MAX: variants seen among roughly 807,000 people sequenced by gnomAD.
MAX encodes the protein protein max.
Under a neutral mutation model 22.3 loss-of-function variants are expected in MAX, and 3 were observed. The ratio of observed to expected loss-of-function variants is 0.13; its 90% confidence interval spans 0.06 to 0.35. MAX has a LOEUF of 0.35. Ranked by LOEUF, MAX falls within the 10% of genes least tolerant of loss-of-function variation. MAX has a pLI of 1.00. For synonymous variants in MAX, 72 were observed against 77.7 expected (o/e 0.93, Z 0.39); for missense variants, 119 against 209.4 (o/e 0.57, Z 2.66).
Position 65,060,870 on chromosome 14 carries a change from CAAAAAA to C in MAX, c.171+32832_171+32837del, listed in dbSNP as rs58241887. Among the ~76,000 whole-genome samples, 100 of 79,584 alleles carry C rather than the reference CAAAAAA, an allele frequency of 1.3e-3. No individual in the cohort carries two copies. In the East Asian group the frequency reaches 0.015, roughly 12 times the overall value. 52.2% of individuals were successfully genotyped at this position (79,584 alleles called of 152,430 possible). On this transcript the variant is annotated intron_variant, in intron 3 of 3. Transcript: ENST00000341653. ...CCTGGGCAACAGAGCAAGACTCTCTCAAAAAAAAAAAAAAAAAAAAAAAAACAGTTT... is the reference window on the plus strand; with the variant it reads ...CCTGGGCAACAGAGCAAGACTCTCTCAAAAAAAAAAAAAAAAAAACAGTTT...
rs149157658 is a variant in MAX at position 65,006,223 on chromosome 14, G to A, written c.233C>T (p.Thr78Ile). Reference sequence around the variant, plus strand: ...TTCTGATTAGCCATGGCAGAAAACAGTTGGAAAAGGCAAGTGTTCATAAGG... The same window carrying A: ...TTCTGATTAGCCATGGCAGAAAACAATTGGAAAAGGCAAGTGTTCATAAGG... Residue 78 changes from threonine (T) to isoleucine (I), a missense_variant, in exon 4 of 4, where the codon ACT becomes ATT. By Grantham distance (89) the Thr-to-Ile change is moderately conservative. Transcript: ENST00000341653. 1.7e-5 allele frequency: 28 copies of A among 1,608,450 alleles called. No homozygotes were observed. In the African/African-American group the frequency reaches 3.3e-4, roughly 19 times the overall value.
rs544453134 is a variant in MAX, at chr14:65,086,661, T to A, written c.171+7047A>T. 7.9e-5 allele frequency among the ~76,000 whole-genome samples: 12 copies of A among 152,324 alleles called. No homozygotes were observed. In the East Asian group the frequency reaches 1.9e-3, roughly 24 times the overall value. ...AGCAGCAAAGCATTCAAGAGGTGAC[T>A]TGGGTGCTGTAAAAGGCATTCAGTT... On this transcript the variant is annotated intron_variant, in intron 3 of 4. Transcript: ENST00000358664.
At chr14:65,010,230 T>C (rs954272737) in intron 3 of MAX, among the ~76,000 whole-genome samples, 1 of 152,172 alleles carries the variant, frequency 6.6e-6, no homozygotes, top group African/African-American at 2.4e-5. Context: ...CTCTCCTGTT[T>C]CTCTCCTTCA....
intron 3 of MAX, chr14:65,089,917 C>G (rs2063454243): frequency 6.6e-6 from 1 of 151,230 alleles, no homozygotes; most frequent in Non-Finnish European, 1.5e-5. Flanking sequence ...ACTCCACATA[C>G]AGTTGAGAAA....
At chr14:65,053,815 C>T (rs1009666454) in intron 3 of MAX, among the ~76,000 whole-genome samples, 2 of 152,164 alleles carry the variant, frequency 1.3e-5, no homozygotes, top group African/African-American at 4.8e-5. Flanking sequence ...TTGTTACCCA[C>T]CCTCTGTCTT....
At chr14:65,041,031 A>G (rs1160961546) in intron 3 of MAX, 1 of 1,497,704 alleles carries the variant, frequency 6.7e-7, no homozygotes, top group African/African-American at 1.4e-5. Context: ...TAAGAGAGTT[A>G]GCTCTGTTCC....
intron 3 of MAX, chr14:65,015,763 T>G: frequency 6.3e-7 from 1 of 1,590,668 alleles, no homozygotes. Flanking sequence ...AAATTGTATT[T>G]TGAGTTTGGG....
rs1157935028 is a variant in MAX, at chr14:65,078,533, G to GTT, written c.172-499_172-498dup. Among the ~76,000 whole-genome samples, 3 of 136,192 alleles carry GTT rather than the reference G, an allele frequency of 2.2e-5. No homozygotes were observed. Among genetic ancestry groups the GTT allele is most frequent in the Non-Finnish European group, 4.7e-5 (3 of 63,308 alleles). 89.3% of individuals were successfully genotyped at this position (136,192 alleles called of 152,430 possible). A position where few individuals can be genotyped will look rare whatever the true frequency, so the allele number is the denominator to read the frequency against. On this transcript the variant is annotated intron_variant, in intron 3 of 4. Transcript: ENST00000358664. This position sits in a 1 kb window ranked among gnomAD's most constrained non-coding sequence, Gnocchi z 6.4. Reference sequence around the variant, plus strand: ...GCCTGTTGTTGTTGTTGTTGTTGTTGTTTTTTTTTTTTTGGAGACGTAGTC... The same window carrying GTT: ...GCCTGTTGTTGTTGTTGTTGTTGTTGTTTTTTTTTTTTTTTGGAGACGTAGTC...
chr14:65,042,967 C>G (rs2062385331), intron 3 of MAX, among the ~76,000 whole-genome samples: 1 of 152,198 alleles, frequency 6.6e-6, no homozygotes, highest in Admixed American at 6.5e-5. Context: ...CTGTGACTCT[C>G]TATGGGCAGG....
intron 3 of MAX, among the ~76,000 whole-genome samples, chr14:65,015,954 TG>T (rs1327327395): frequency 6.6e-6 from 1 of 152,216 alleles, no homozygotes; most frequent in African/African-American, 2.4e-5. Context: ...GTTTCTTCTG[TG>T]GCCTTTTCTT....
intron 3 of MAX, among the ~76,000 whole-genome samples, chr14:65,090,380 G>C (rs1330217516): frequency 6.6e-6 from 1 of 152,094 alleles, no homozygotes; most frequent in Non-Finnish European, 1.5e-5. Context: ...ACACTGACAG[G>C]AGCAACAGCA....
At chr14:65,019,399 A>G (rs890033721) in intron 3 of MAX, among the ~76,000 whole-genome samples, 1 of 145,472 alleles carries the variant, frequency 6.9e-6, no homozygotes, top group Non-Finnish European at 1.5e-5. Flanking sequence ...AAGCAGGAGA[A>G]TTGCTTGAAT....
chr14:65,025,355 C>T (rs2061960769), intron 3 of MAX, among the ~76,000 whole-genome samples: 1 of 152,176 alleles, frequency 6.6e-6, no homozygotes, highest in Non-Finnish European at 1.5e-5. Flanking sequence ...TTTGTATCAG[C>T]TAAAACTTTT....
intron 3 of MAX, among the ~76,000 whole-genome samples, chr14:65,038,181 C>T (rs901958458): frequency 9.9e-5 from 15 of 152,072 alleles, no homozygotes; most frequent in African/African-American, 3.1e-4. Context: ...GAGGCTGAGG[C>T]GGGCGGATCA....
In MAX at chr14:65,077,981, C is replaced by G. The variant is rs2139754387; in HGVS notation, c.227G>C (p.Arg76Thr). The change falls in exon 4 of 5, where the codon AGG (arginine) becomes ACG (threonine). Residue 76 changes from arginine to threonine, a missense_variant. This residue lies in a region of MAX where 95 missense variants were observed against 148.1 expected (regional missense o/e 0.64). Transcript: ENST00000358664. This position sits in a 1 kb window ranked among gnomAD's most constrained non-coding sequence, Gnocchi z 6.3. The part of the protein sequence containing the change: ...KATEYIQYMR[R>T]KNHTHQQDID... ...ATCTTGCTGGTGTGTGTGGTTTTTC[C>G]TTCGCATATACTGGATATATTCTGT... The G allele has an allele frequency of 6.2e-7, 1 of 1,614,136 alleles. No individual in the cohort carries two copies. The highest frequency in any genetic ancestry group is 8.5e-7 in the Non-Finnish European group (1 of 1,180,026).
At chr14:65,040,354 C>T (rs914077276) in intron 3 of MAX, among the ~76,000 whole-genome samples, 1 of 148,274 alleles carries the variant, frequency 6.7e-6, no homozygotes, top group Non-Finnish European at 1.5e-5. Flanking sequence ...TAACTTTTTC[C>T]CAAAGAGTAA....
intron 3 of MAX, among the ~76,000 whole-genome samples, chr14:65,060,160 A>G (rs1016677777): frequency 1.3e-5 from 2 of 152,048 alleles, no homozygotes; most frequent in Non-Finnish European, 2.9e-5. Flanking sequence ...AAATGTAAAT[A>G]CATGTTTATT....
chr14:65,082,853 G>A lies in MAX; in HGVS notation c.172-4817C>T, dbSNP rs2063233373. Among the ~76,000 whole-genome samples the A allele has an allele frequency of 6.6e-6, 1 of 152,124 alleles. No individual in the cohort carries two copies. The highest frequency in any genetic ancestry group is 1.5e-5 in the Non-Finnish European group (1 of 68,028). ...TATTTTTCTTTCTATTTTAAAGACAGGTGAGAACTAAACAGGCTTCTAGCA... is the reference window on the plus strand; with the variant it reads ...TATTTTTCTTTCTATTTTAAAGACAAGTGAGAACTAAACAGGCTTCTAGCA... On this transcript the variant is annotated intron_variant, in intron 3 of 4. Transcript: ENST00000358664. This position sits in a 1 kb window ranked among gnomAD's most constrained non-coding sequence, Gnocchi z 4.8.
chr14:65,052,436 T>A (rs73270842), intron 3 of MAX, among the ~76,000 whole-genome samples: 2 of 152,176 alleles, frequency 1.3e-5, no homozygotes, highest in Non-Finnish European at 2.9e-5. Context: ...AAATATAAAA[T>A]TGACCAAGGA....
Sources: allele counts gnomAD v4.1 joint callset (sites outside exome capture counted in the v4.1 genomes callset), GRCh38; gene constraint gnomAD v4.1.1; regional missense constraint gnomAD v4.1.1; non-coding constraint Gnocchi (gnomAD v3.1); transcripts MANE v1.5; gene names NCBI Gene and HGNC (gene_info 2026-07-23, HGNC 2026-07-21).